Variants in WDR70 observed in about 807,000 individuals in gnomAD.
The protein encoded by WDR70 is WD repeat-containing protein 70.
A neutral mutation model predicts 88.6 loss-of-function variants in WDR70; 53 were observed. That is an observed-to-expected ratio of 0.60 (90% confidence interval 0.48 to 0.75). The LOEUF (loss-of-function observed/expected upper bound fraction) is 0.75. WDR70 is among the 30% of genes least tolerant of loss of function. WDR70 has a pLI of 0.00. For synonymous variants in WDR70, 280 were observed against 270.0 expected (o/e 1.04, Z -0.36); for missense variants, 610 against 823.2 (o/e 0.74, Z 3.17).
chr5:37,435,542 G>A (rs1465303322), intron 5 of WDR70, among the ~76,000 whole-genome samples: 3 of 152,082 alleles, frequency 2.0e-5, no homozygotes, highest in Non-Finnish European at 4.4e-5. Context: ...AAACAAAACA[G>A]TAATGTCTTT....
chr5:37,717,002 A>C (rs893074547), intron 13 of WDR70, among the ~76,000 whole-genome samples: 1 of 152,116 alleles, frequency 6.6e-6, no homozygotes, highest in Non-Finnish European at 1.5e-5. Context: ...TCTGTTGAGC[A>C]CATTAAGGTC....
At chr5:37,633,339 T>C (rs1336057153) in intron 10 of WDR70, among the ~76,000 whole-genome samples, 6 of 152,154 alleles carry the variant, frequency 3.9e-5, no homozygotes, top group African/African-American at 1.4e-4. Context: ...CAAGCCCATG[T>C]ACATTGAAGG....
At chr5:37,648,378 G>A (rs983269074) in intron 10 of WDR70, among the ~76,000 whole-genome samples, 1 of 151,932 alleles carries the variant, frequency 6.6e-6, no homozygotes, top group African/African-American at 2.4e-5. Context: ...CTGTTTTTAT[G>A]CCAAATATCC....
intron 8 of WDR70, among the ~76,000 whole-genome samples, chr5:37,499,708 C>T (rs772837181): frequency 4.6e-5 from 7 of 151,176 alleles, no homozygotes; most frequent in Admixed American, 2.6e-4. Flanking sequence ...TGCACACCAC[C>T]GCTCCTGGCT....
chr5:37,475,204 G>A (rs57754342), intron 7 of WDR70, among the ~76,000 whole-genome samples: 1 of 10,358 alleles, frequency 9.7e-5, no homozygotes, highest in Admixed American at 8.9e-3. Context: ...ATAGGTGTGA[G>A]CCACGGTACC....
Position 37,474,907 on chromosome 5 carries a change from ATTTTATTAT to A in WDR70, c.687-4910_687-4902del, listed in dbSNP as rs1255879726. ...TTTTTATCTCCAGTAATGTTCCTTT[ATTTTATTAT>A]TTTTATTATTTTTATTTTTTGGGAC... is the stretch of plus-strand genomic sequence containing the variant. On this transcript the variant is annotated intron_variant, in intron 7 of 17. Coordinates refer to ENST00000265107, the MANE Select transcript of WDR70 (RefSeq NM_018034.4). 9.9e-5 allele frequency among the ~76,000 whole-genome samples: 15 copies of A among 151,836 alleles called. 1 individual carries two copies. Among genetic ancestry groups the A allele is most frequent in the Admixed American group, 7.9e-4 (12 of 15,246 alleles).
intron 5 of WDR70, among the ~76,000 whole-genome samples, chr5:37,414,129 A>G (rs1749616498): frequency 1.4e-5 from 2 of 144,350 alleles, no homozygotes; most frequent in South Asian, 4.4e-4. Context: ...GGGCAACAGG[A>G]GCAAAACTCT....
chr5:37,381,176 A>G (rs1321146523), intron 2 of WDR70, among the ~76,000 whole-genome samples: 3 of 152,192 alleles, frequency 2.0e-5, no homozygotes, highest in Non-Finnish European at 4.4e-5. Flanking sequence ...CAAGCCAACT[A>G]TAATGCCTCA....
At chr5:37,481,146 T>C (rs1434642886) in intron 8 of WDR70, among the ~76,000 whole-genome samples, 1 of 152,188 alleles carries the variant, frequency 6.6e-6, no homozygotes, top group Non-Finnish European at 1.5e-5. Context: ...CTGGCTGCAT[T>C]GAGTGTTGGC....
chr5:37,674,802 C>T (rs1368605792), intron 10 of WDR70, among the ~76,000 whole-genome samples: 2 of 151,518 alleles, frequency 1.3e-5, no homozygotes, highest in African/African-American at 2.4e-5. Flanking sequence ...CCTGAGGAAT[C>T]GCCACACTGA....
chr5:37,582,769 A>T (rs1201643832), intron 9 of WDR70, among the ~76,000 whole-genome samples: 1 of 152,256 alleles, frequency 6.6e-6, no homozygotes, highest in East Asian at 1.9e-4. Flanking sequence ...GCTGTAAGCA[A>T]CGAGCATCTC....
intron 9 of WDR70, among the ~76,000 whole-genome samples, chr5:37,549,217 T>C (rs748131052): frequency 6.6e-6 from 1 of 152,238 alleles, no homozygotes; most frequent in African/African-American, 2.4e-5. Flanking sequence ...ATCTGTAGAT[T>C]GCTCTGGGTA....
At chr5:37,416,602 G>C (rs1249340095) in intron 5 of WDR70, among the ~76,000 whole-genome samples, 2 of 147,156 alleles carry the variant, frequency 1.4e-5, no homozygotes, top group East Asian at 4.0e-4. Context: ...TTTTTTTTGA[G>C]ATAGTTTCCC....
intron 5 of WDR70, among the ~76,000 whole-genome samples, chr5:37,402,471 T>C (rs747209419): frequency 6.6e-6 from 1 of 152,076 alleles, no homozygotes; most frequent in Non-Finnish European, 1.5e-5. Flanking sequence ...TACTCATTAG[T>C]GGGATTGCTG....
intron 7 of WDR70, among the ~76,000 whole-genome samples, chr5:37,459,489 T>A (rs1738933124): frequency 8.1e-6 from 1 of 123,628 alleles, no homozygotes; most frequent in Non-Finnish European, 1.7e-5. Flanking sequence ...TAGCCATATG[T>A]AGAAAGCTGA....
chr5:37,468,658 A>G (rs1739234249), intron 7 of WDR70, among the ~76,000 whole-genome samples: 1 of 152,118 alleles, frequency 6.6e-6, no homozygotes, highest in African/African-American at 2.4e-5. Context: ...TGTTAACTAT[A>G]TTCATCCTAC....
intron 9 of WDR70, among the ~76,000 whole-genome samples, chr5:37,533,613 A>G (rs533889): frequency 0.74 from 111,811 of 151,956 alleles, 41,686 homozygotes; most frequent in African/African-American, 0.86. Context: ...AGTAGAGAAA[A>G]ACCACCAGCT....
At chr5:37,657,845 T>C (rs1032459477) in intron 10 of WDR70, among the ~76,000 whole-genome samples, 4 of 152,230 alleles carry the variant, frequency 2.6e-5, no homozygotes, top group Non-Finnish European at 5.9e-5. Flanking sequence ...TTCCAGAACA[T>C]ACCGTGTACT....
intron 11 of WDR70, chr5:37,698,056 T>C (rs1020856157): frequency 2.1e-4 from 56 of 262,128 alleles, no homozygotes; most frequent in South Asian, 1.1e-3. Flanking sequence ...GGGAAGTTTA[T>C]AGATGATCAC....
Sources: gnomAD v4.1 joint callset for allele counts (sites outside exome capture counted in the v4.1 genomes callset) on GRCh38, gnomAD v4.1.1 for gene constraint, MANE v1.5 for transcripts, NCBI Gene and HGNC (gene_info 2026-07-23, HGNC 2026-07-21) for gene names.